The following ARHGAP23 variants were observed in gnomAD, a reference collection of about 807,000 sequenced individuals.
ARHGAP23 encodes rho GTPase-activating protein 23.
A neutral mutation model predicts 136.3 loss-of-function variants in ARHGAP23; 34 were observed. That is an observed-to-expected ratio of 0.25 (90% CI 0.19 to 0.33). The LOEUF (loss-of-function observed/expected upper bound fraction) is 0.33. Ranked by LOEUF, ARHGAP23 falls within the 10% of genes least tolerant of loss-of-function variation. The pLI is 1.00. For synonymous variants in ARHGAP23, 832 were observed against 920.5 expected, an observed-to-expected ratio of 0.90 and a Z score of 1.74; for missense variants, 1,808 against 2,139.0, an observed-to-expected ratio of 0.85 and a Z score of 3.05.
chr17:38,464,679 C>G (rs8069283), intron 6 of ARHGAP23, among the ~76,000 whole-genome samples: 121,442 of 152,182 alleles, frequency 0.8, 48,880 homozygotes, highest in East Asian at 0.97. Context: ...AGCTATGGGG[C>G]AGTGACAGGG....
intron 1 of ARHGAP23, among the ~76,000 whole-genome samples, chr17:38,432,750 G>A (rs1335761593): frequency 1.3e-5 from 2 of 152,046 alleles, no homozygotes; most frequent in Non-Finnish European, 2.9e-5. Context: ...AATCACTTGA[G>A]CTGGGGGGTT....
chr17:38,447,855 A>G (rs1445294307), intron 1 of ARHGAP23, among the ~76,000 whole-genome samples: 2 of 152,172 alleles, frequency 1.3e-5, no homozygotes, highest in African/African-American at 2.4e-5. Flanking sequence ...TGCCTGGGCA[A>G]TGGCCCTGGT....
intron 17 of ARHGAP23, among the ~76,000 whole-genome samples, chr17:38,488,016 C>A (rs1311826411): frequency 6.6e-6 from 1 of 152,150 alleles, no homozygotes; most frequent in Non-Finnish European, 1.5e-5. Context: ...ATCCTCCCAT[C>A]TCAGCCTCCT....
intron 2 of ARHGAP23, among the ~76,000 whole-genome samples, chr17:38,458,915 A>C (rs1315274274): frequency 6.6e-6 from 1 of 152,194 alleles, no homozygotes; most frequent in East Asian, 1.9e-4. Flanking sequence ...GACCCCTCAG[A>C]GTCCCTCCTG....
At chr17:38,471,830 C>T (rs1436411593) in intron 10 of ARHGAP23, 33 bp from the exon 11 acceptor site, 1 of 1,508,608 alleles carries the variant, frequency 6.6e-7, no homozygotes, top group Admixed American at 2.1e-5. Context: ...TTGTGGGAGC[C>T]ACCCTAAATT....
chr17:38,422,380 AT>A (rs1225249797), intron 1 of ARHGAP23, among the ~76,000 whole-genome samples: 6 of 152,154 alleles, frequency 3.9e-5, no homozygotes, highest in Non-Finnish European at 8.8e-5. Context: ...GAGTGACGGC[AT>A]GGTTTTTGTA....
intron 20 of ARHGAP23, among the ~76,000 whole-genome samples, chr17:38,492,333 C>T (rs1483349317): frequency 2.6e-5 from 4 of 152,172 alleles, no homozygotes; most frequent in African/African-American, 7.2e-5. Context: ...CAGAGCCCCT[C>T]CTGCCAGGGG....
chr17:38,427,220 TG>T (rs1406007679), upstream of ARHGAP23, among the ~76,000 whole-genome samples: 1 of 152,202 alleles, frequency 6.6e-6, no homozygotes, highest in African/African-American at 2.4e-5. Flanking sequence ...CCCAGCACTT[TG>T]GGAGGCTGAG....
chr17:38,442,921 C>G (rs957784854), intron 1 of ARHGAP23, among the ~76,000 whole-genome samples: 1 of 152,114 alleles, frequency 6.6e-6, no homozygotes, highest in African/African-American at 2.4e-5. Context: ...TGAGCAGACT[C>G]CAGAGACATC....
intron 1 of ARHGAP23, among the ~76,000 whole-genome samples, chr17:38,456,008 G>T (rs948796486): frequency 2.6e-5 from 4 of 152,162 alleles, no homozygotes; most frequent in African/African-American, 7.2e-5. Context: ...CGTGGCCCCT[G>T]TCTGGTAGGG....
Position 38,468,587 on chromosome 17 carries a change from G to A in ARHGAP23, c.1649-557G>A, listed in dbSNP as rs377636127. ...GCCCTGGCTCCCCCAGCCAGCCTTC[G>A]GTGGAGCAGAGACACAGCCCCTTCT... On this transcript the variant is annotated intron_variant, in intron 7 of 23. Coordinates refer to ENST00000622683, the MANE Select transcript of ARHGAP23 (RefSeq NM_001199417.2). Among the ~76,000 whole-genome samples, 371 of 152,294 alleles carry A rather than the reference G, an allele frequency of 2.4e-3. 5 individuals carry two copies. The highest frequency in any genetic ancestry group is 8.5e-3 in the African/African-American group (353 of 41,562).
intron 20 of ARHGAP23, among the ~76,000 whole-genome samples, chr17:38,495,664 C>T (rs1338674744): frequency 1.3e-5 from 2 of 152,152 alleles, no homozygotes; most frequent in Non-Finnish European, 2.9e-5. Context: ...AGGCTCATGG[C>T]GTATGCTCAG....
Position 38,458,086 on chromosome 17 carries a change from T to A in ARHGAP23, c.64-16T>A, listed in dbSNP as rs1306230971. 1.3e-6 allele frequency: 2 copies of A among 1,535,832 alleles called. No homozygotes were observed. The highest frequency in any genetic ancestry group is 3.9e-5 in the Admixed American group (2 of 50,984). ...AGCCACACGGGCGCTCAGCCTGGCC[T>A]CTCTGTCTCCCACAGCTGCCACTGG... On this transcript the variant is annotated splice_polypyrimidine_tract_variant and intron_variant, in intron 1 of 23. Transcript: ENST00000622683.
intron 14 of ARHGAP23, 91 bp downstream of exon 14, chr17:38,479,974 CTCATGTG>C (rs1449289669): frequency 6.7e-7 from 1 of 1,497,956 alleles, no homozygotes; most frequent in East Asian, 2.5e-5. Flanking sequence ...GCTGTGTCTG[CTCATGTG>C]TGCCTGACTG....
chr17:38,440,267 A>C (rs2038892675), intron 1 of ARHGAP23, among the ~76,000 whole-genome samples: 1 of 150,126 alleles, frequency 6.7e-6, no homozygotes, highest in Admixed American at 6.6e-5. Context: ...GATCCTCCGA[A>C]CTCGGCCTCC....
chr17:38,430,154 C>T (rs1358250068), intron 1 of ARHGAP23, among the ~76,000 whole-genome samples: 1 of 152,022 alleles, frequency 6.6e-6, no homozygotes, highest in African/African-American at 2.4e-5. Context: ...TCAAAGGCCT[C>T]AATAATAATA....
At chr17:38,452,996 CTG>C (rs1322565201) in intron 1 of ARHGAP23, among the ~76,000 whole-genome samples, 2 of 152,184 alleles carry the variant, frequency 1.3e-5, no homozygotes, top group Non-Finnish European at 1.5e-5. Context: ...GGCTGTCACT[CTG>C]TGCAGGGCAG....
At chr17:38,433,770 T>G (rs2038733701) in intron 1 of ARHGAP23, among the ~76,000 whole-genome samples, 1 of 152,122 alleles carries the variant, frequency 6.6e-6, no homozygotes, top group Non-Finnish European at 1.5e-5. Context: ...CCTGAGAGGC[T>G]GCCTGGAGGA....
At chr17:38,476,517 A>G (rs2039894781) in intron 11 of ARHGAP23, among the ~76,000 whole-genome samples, 3 of 152,174 alleles carry the variant, frequency 2.0e-5, no homozygotes, top group Non-Finnish European at 2.9e-5. Flanking sequence ...CAAAGTGCCC[A>G]TGGGACCTGC....
Sources: gnomAD v4.1 joint callset for allele counts (sites outside exome capture counted in the v4.1 genomes callset) on GRCh38, gnomAD v4.1.1 for gene constraint, MANE v1.5 for transcripts, NCBI Gene and HGNC (gene_info 2026-07-23, HGNC 2026-07-21) for gene names.